Variants in E2F3 observed in about 807,000 individuals in gnomAD.
The protein encoded by E2F3 is transcription factor E2F3.
In E2F3, 11 loss-of-function variants were observed where a neutral mutation model predicts 44.4. The ratio of observed to expected loss-of-function variants is 0.25; its 90% confidence interval spans 0.16 to 0.41. E2F3 has a LOEUF of 0.41. Among genes scored for constraint, E2F3 ranks in the 10% least tolerant of loss-of-function variants. E2F3 has a pLI of 1.00. For synonymous variants in E2F3, 249 were observed against 253.0 expected (o/e 0.98, Z 0.15); for missense variants, 487 against 583.6 (o/e 0.83, Z 1.70).
rs1419391261 is a variant in E2F3, at chr6:20,402,059, C to T, written c.-174C>T. On this transcript the variant is annotated 5_prime_UTR_variant, in exon 1 of 7. Transcript: ENST00000346618. This position sits in a 1 kb window ranked among gnomAD's most constrained non-coding sequence, Gnocchi z 5.6. Reference sequence around the variant, plus strand: ...CTCCAGAGCCCCGATTATTTTTGGCCCCCGGGGCCTGTGCGGTGCGGAAAA... The same window carrying T: ...CTCCAGAGCCCCGATTATTTTTGGCTCCCGGGGCCTGTGCGGTGCGGAAAA... 5.1e-6 allele frequency: 6 copies of T among 1,175,038 alleles called. No individual in the cohort carries two copies. The Admixed American group carries it at 1.5e-4, about 29-fold the overall frequency. The allele number at this position is 1,175,038 out of a possible 1,614,324, so 72.8% of individuals were successfully genotyped here.
Position 20,482,911 on chromosome 6 carries a change from A to T in E2F3, c.875A>T (p.Glu292Val), listed in dbSNP as rs1199295250. Residue 292 changes from glutamate to valine, a missense_variant, in exon 4 of 7, where the codon GAG becomes GTG. Physicochemically the swap from Glu to Val is moderately radical, Grantham distance 121. Coordinates refer to ENST00000346618, the MANE Select transcript of E2F3 (RefSeq NM_001949.5). Reference sequence around the variant, plus strand: ...CTCAAACTGTTAACCGAGGATTCAGAGAATCAAAGATATCCTTTGTGCCGC... The same window carrying T: ...CTCAAACTGTTAACCGAGGATTCAGTGAATCAAAGATATCCTTTGTGCCGC... ...LDLKLLTEDSENQRLAYVTYQ... is the reference protein window; with the variant it reads ...LDLKLLTEDSVNQRLAYVTYQ... 1 of 1,613,710 alleles carries T rather than the reference A, an allele frequency of 6.2e-7. No individual in the cohort carries two copies. The highest frequency in any genetic ancestry group is 8.5e-7 in the Non-Finnish European group (1 of 1,179,664).
intron 1 of E2F3, among the ~76,000 whole-genome samples, chr6:20,463,392 A>G (rs1435318104): frequency 1.3e-5 from 2 of 152,164 alleles, no homozygotes; most frequent in Non-Finnish European, 2.9e-5. Flanking sequence ...CTGTAAAAAC[A>G]AAGAGAGAGA....
intron 6 of E2F3, among the ~76,000 whole-genome samples, 194 bp downstream of exon 6, chr6:20,488,442 T>C (rs1289200981): frequency 6.6e-6 from 1 of 152,216 alleles, no homozygotes; most frequent in African/African-American, 2.4e-5. Flanking sequence ...CACCCACTTA[T>C]GGAGTCGCTT....
At chr6:20,487,628 G>GA (rs1762431983) in intron 5 of E2F3, among the ~76,000 whole-genome samples, 1 of 152,138 alleles carries the variant, frequency 6.6e-6, no homozygotes, top group Non-Finnish European at 1.5e-5. Context: ...TATATCCAAA[G>GA]AACACAATTC....
In E2F3 at chr6:20,447,365, A is replaced by G. The variant is rs527744266; in HGVS notation, c.394-32481A>G. ...GAGAGAGAGAGAGAGAGAAAGAGAA[A>G]GAGAACAGAGCCTGTAAGTCTTGCC... On this transcript the variant is annotated intron_variant, in intron 1 of 6. Transcript: ENST00000346618. Among the ~76,000 whole-genome samples, 51 of 152,060 alleles carry G rather than the reference A, an allele frequency of 3.4e-4. No homozygotes were observed. In the South Asian group the frequency reaches 6.9e-3, roughly 21 times the overall value.
chr6:20,462,855 CTCTCTTTTT>C (rs1761562352), intron 1 of E2F3, among the ~76,000 whole-genome samples: 6 of 114,970 alleles, frequency 5.2e-5, no homozygotes, highest in Admixed American at 1.1e-4. Flanking sequence ...CTTTCTCTCT[CTCTCTTTTT>C]TTTTTTTTTT....
intron 4 of E2F3, among the ~76,000 whole-genome samples, chr6:20,485,139 GT>G (rs1210447156): frequency 6.6e-5 from 10 of 151,902 alleles, no homozygotes; most frequent in South Asian, 2.1e-4. Flanking sequence ...GGAATTTTTT[GT>G]GGGTACATAT....
At chr6:20,476,815 G>C (rs1312393131) in intron 1 of E2F3, among the ~76,000 whole-genome samples, 1 of 152,202 alleles carries the variant, frequency 6.6e-6, no homozygotes. Context: ...GCCTGATAAA[G>C]AGTGAATGTT....
chr6:20,444,898 A>G (rs1170469573), intron 1 of E2F3, among the ~76,000 whole-genome samples: 1 of 152,212 alleles, frequency 6.6e-6, no homozygotes, highest in Non-Finnish European at 1.5e-5. Context: ...TTTGCTTCTG[A>G]TGATAACTTC....
chr6:20,403,878 C>A, intron 1 of E2F3: 1 of 1,248,548 alleles, frequency 8.0e-7, no homozygotes, highest in South Asian at 1.4e-5. Context: ...CGCGGGGGCA[C>A]CGGATTCTGT....
At chr6:20,410,095 G>A (rs1303138335) in intron 1 of E2F3, among the ~76,000 whole-genome samples, 1 of 152,202 alleles carries the variant, frequency 6.6e-6, no homozygotes, top group African/African-American at 2.4e-5. Flanking sequence ...CTCTGAGAAT[G>A]ATGGGCAGTG....
intron 1 of E2F3, among the ~76,000 whole-genome samples, chr6:20,442,704 C>T (rs564438471): frequency 1.3e-5 from 2 of 152,298 alleles, no homozygotes; most frequent in South Asian, 4.1e-4. Flanking sequence ...TGAGGTGGCT[C>T]ATGCCTGTAA....
At chr6:20,488,357 A>G in intron 6 of E2F3, 109 bp downstream of exon 6, 1 of 1,267,044 alleles carries the variant, frequency 7.9e-7, no homozygotes, top group Non-Finnish European at 1.1e-6. Flanking sequence ...TTCTATTGGT[A>G]TTAGGTAACA....
Position 20,452,946 on chromosome 6 carries a change from C to A in E2F3, c.394-26900C>A, listed in dbSNP as rs1397998152. On this transcript the variant is annotated intron_variant, in intron 1 of 6. Coordinates refer to ENST00000346618, the MANE Select transcript of E2F3 (RefSeq NM_001949.5). ...TCCAGCCTGGTGACAGAGTGAGACT[C>A]CATCTCAAAAAAAAAGAAGCCATTT... Among the ~76,000 whole-genome samples, 4 of 151,628 alleles carry A rather than the reference C, an allele frequency of 2.6e-5. No homozygotes were observed. The East Asian group carries it at 5.8e-4, about 22-fold the overall frequency.
rs1057182343 is a variant in E2F3 at position 20,402,729 on chromosome 6, G to A, written c.393+104G>A. The A allele has an allele frequency of 6.4e-6, 8 of 1,253,364 alleles. No individual in the cohort carries two copies. In the African/African-American group the frequency reaches 9.4e-5, roughly 15 times the overall value. 77.6% of individuals were successfully genotyped at this position (1,253,364 alleles called of 1,614,324 possible). ...GGCCGCTCGGGGAGAGCACTGGGCC[G>A]AGCATCGTGGGCCTCGGGGGCTGCC... On this transcript the variant is annotated intron_variant, in intron 1 of 6. Coordinates refer to ENST00000346618, the MANE Select transcript of E2F3 (RefSeq NM_001949.5). The surrounding 1 kb of genome is among the most constrained non-coding windows in gnomAD (Gnocchi z 5.6).
chr6:20,485,214 C>G (rs376991350), intron 4 of E2F3, among the ~76,000 whole-genome samples: 1 of 152,078 alleles, frequency 6.6e-6, no homozygotes, highest in African/African-American at 2.4e-5. Flanking sequence ...ATCGTAAGTA[C>G]CATATTCTTT....
chr6:20,402,286 T>TG lies in E2F3; in HGVS notation c.58dup (p.Glu20GlyfsTer147). 1 of 1,606,980 alleles carries TG rather than the reference T, an allele frequency of 6.2e-7. No homozygotes were observed. Among genetic ancestry groups the TG allele is most frequent in the Non-Finnish European group, 8.5e-7 (1 of 1,178,286 alleles). On this transcript the variant is annotated frameshift_variant, in exon 1 of 7. Coordinates refer to ENST00000346618, the MANE Select transcript of E2F3 (RefSeq NM_001949.5). LOFTEE classifies it high-confidence loss of function. The surrounding 1 kb of genome is among the most constrained non-coding windows in gnomAD (Gnocchi z 5.6). Reference sequence around the variant, plus strand: ...AGCAGTACCTGGTGACCGCCGGGGGTGGGGAGGGGGCGGCTGTCGTCGCCG... The same window carrying TG: ...AGCAGTACCTGGTGACCGCCGGGGGTGGGGGAGGGGGCGGCTGTCGTCGCCG...
At position 20,458,546 on chromosome 6, in the gene E2F3, A is replaced by G. The variant is rs540581452; in HGVS notation, c.394-21300A>G. On this transcript the variant is annotated intron_variant, in intron 1 of 6. Transcript: ENST00000346618. ...CGGTGGACCTTGGAGATAAGCTTCT[A>G]TTCTTGGTTGTTTTTAAGAAAACTG... is the stretch of plus-strand genomic sequence containing the variant. 5.3e-5 allele frequency among the ~76,000 whole-genome samples: 8 copies of G among 152,204 alleles called. No individual in the cohort carries two copies. The South Asian group carries it at 1.2e-3, about 24-fold the overall frequency.
In E2F3 at chr6:20,486,743, A is replaced by G. The variant is rs184530367; in HGVS notation, c.939A>G (p.Gln313=). 5.0e-6 allele frequency: 8 copies of G among 1,613,778 alleles called. No individual in the cohort carries two copies. The East Asian group carries it at 1.6e-4, about 31-fold the overall frequency. Residue 313 remains glutamine, a synonymous_variant, in exon 5 of 7, where the codon CAA becomes CAG. Transcript: ENST00000346618. ...DIRKISGLKD[Q]TVIVVKAPPE... ...GAAAAATTAGTGGCCTTAAAGACCA[A>G]ACTGTTATAGTTGTGAAAGCCCCTC...
Sources: allele counts gnomAD v4.1 joint callset (sites outside exome capture counted in the v4.1 genomes callset), GRCh38; gene constraint gnomAD v4.1.1; non-coding constraint Gnocchi (gnomAD v3.1); transcripts MANE v1.5; gene names NCBI Gene and HGNC (gene_info 2026-07-23, HGNC 2026-07-21).